Variants in AFF1 observed in about 807,000 individuals in gnomAD.
The protein encoded by AFF1 is AF4/FMR2 family member 1.
A neutral mutation model predicts 121.7 loss-of-function variants in AFF1; 48 were observed. That is an observed-to-expected ratio of 0.39 (90% CI 0.31 to 0.50). The LOEUF is 0.50. Ranked by LOEUF, AFF1 falls within the 20% of genes least tolerant of loss-of-function variation. The pLI, the probability that AFF1 is intolerant of heterozygous loss-of-function variation, is 0.76. For missense variants in AFF1, 1,523 were observed against 1,511.7 expected (o/e 1.01, Z -0.12); for synonymous variants, 613 against 563.0 (o/e 1.09, Z -1.26).
At chr4:87,006,578 TTCTTGAGC>T (rs1726140585) in intron 2 of AFF1, among the ~76,000 whole-genome samples, 1 of 152,226 alleles carries the variant, frequency 6.6e-6, no homozygotes, top group Non-Finnish European at 1.5e-5. Flanking sequence ...GTATGCCCGT[TTCTTGAGC>T]TCAAGCACTG....
chr4:86,996,902 TTTTAA>T (rs1187563113), intron 2 of AFF1, among the ~76,000 whole-genome samples: 4 of 152,182 alleles, frequency 2.6e-5, no homozygotes, highest in East Asian at 1.9e-4. Context: ...AACTGGTGGC[TTTTAA>T]TTTAATTTAA....
At chr4:87,022,994 C>G (rs1041641250) in intron 2 of AFF1, among the ~76,000 whole-genome samples, 5 of 152,034 alleles carry the variant, frequency 3.3e-5, no homozygotes, top group Non-Finnish European at 7.4e-5. Context: ...CATTAGACTC[C>G]TGGACTCAAG....
intron 2 of AFF1, among the ~76,000 whole-genome samples, chr4:87,001,524 T>C (rs1017932428): frequency 6.6e-6 from 1 of 152,136 alleles, no homozygotes; most frequent in Non-Finnish European, 1.5e-5. Context: ...CTCGTGCTTT[T>C]CTTTTTCAAG....
At chr4:87,020,044 A>G (rs1727742951) in intron 2 of AFF1, among the ~76,000 whole-genome samples, 1 of 152,212 alleles carries the variant, frequency 6.6e-6, no homozygotes, top group Admixed American at 6.5e-5. Flanking sequence ...AAAACACAGA[A>G]TTTTTTGAAA....
intron 4 of AFF1, among the ~76,000 whole-genome samples, chr4:87,072,424 C>T (rs1471611100): frequency 2.7e-5 from 4 of 149,128 alleles, no homozygotes; most frequent in Admixed American, 6.8e-5. Context: ...ATTTTTTAAA[C>T]GATTTTCTCC....
At position 87,075,667 on chromosome 4, in the gene AFF1, A is replaced by G. The variant is rs141017224; in HGVS notation, c.1060-8453A>G. On this transcript the variant is annotated intron_variant, in intron 4 of 20. Coordinates refer to ENST00000395146, the MANE Select transcript of AFF1 (RefSeq NM_001166693.3). ...GTCCCCAAACTGCATTTAGGCAACT[A>G]CTCTTATAGGTGAAAACATCTGATT... Among the ~76,000 whole-genome samples the G allele has an allele frequency of 1.2e-3, 184 of 152,212 alleles. 1 individual carries two copies. Among genetic ancestry groups the G allele is most frequent in the African/African-American group, 4.1e-3 (170 of 41,528 alleles).
At chr4:87,128,447 A>G (rs753853119) in intron 16 of AFF1, among the ~76,000 whole-genome samples, 15 of 152,196 alleles carry the variant, frequency 9.9e-5, no homozygotes, top group Admixed American at 2.0e-4. Flanking sequence ...GCTTTTGCTT[A>G]TGTAGTGAGT....
intron 12 of AFF1, among the ~76,000 whole-genome samples, chr4:87,122,437 C>T (rs560709026): frequency 3.9e-4 from 60 of 152,320 alleles, no homozygotes; most frequent in African/African-American, 1.3e-3. Context: ...TGCGCAGAGC[C>T]CTGTCGCAAT....
At chr4:86,936,864 G>A (rs1192896248) in intron 1 of AFF1, among the ~76,000 whole-genome samples, 1 of 152,184 alleles carries the variant, frequency 6.6e-6, no homozygotes, top group Non-Finnish European at 1.5e-5. Flanking sequence ...GATCCAAGGG[G>A]AGATGAGAGA....
At chr4:87,069,558 C>CCTCTCCTCT (rs1282208779) in intron 4 of AFF1, among the ~76,000 whole-genome samples, 32 of 147,660 alleles carry the variant, frequency 2.2e-4, no homozygotes, top group South Asian at 4.4e-4. Flanking sequence ...CTCCCCTTTC[C>CCTCTCCTCT]CTCTCCTCTC....
intron 2 of AFF1, among the ~76,000 whole-genome samples, chr4:86,952,603 T>C (rs1243034471): frequency 6.6e-6 from 1 of 151,956 alleles, no homozygotes; most frequent in African/African-American, 2.4e-5. Flanking sequence ...CTGCATGTTC[T>C]GCACGTGTGT....
At chr4:87,074,428 T>G (rs1009453259) in intron 4 of AFF1, among the ~76,000 whole-genome samples, 10 of 152,244 alleles carry the variant, frequency 6.6e-5, no homozygotes, top group African/African-American at 2.4e-4. Flanking sequence ...TTTAAAGTCT[T>G]AGACCATTGG....
At chr4:87,042,426 G>C (rs1037983615) in intron 2 of AFF1, among the ~76,000 whole-genome samples, 2 of 152,152 alleles carry the variant, frequency 1.3e-5, no homozygotes, top group African/African-American at 4.8e-5. Context: ...CTGCCTCTTC[G>C]GTCTTCCTCT....
intron 8 of AFF1, among the ~76,000 whole-genome samples, chr4:87,099,970 T>C (rs1412619489): frequency 6.6e-6 from 1 of 152,190 alleles, no homozygotes; most frequent in African/African-American, 2.4e-5. Flanking sequence ...CAGATTATGC[T>C]GTAGGCTTTG....
chr4:86,959,047 A>G (rs959234945), intron 2 of AFF1, among the ~76,000 whole-genome samples: 4 of 152,228 alleles, frequency 2.6e-5, no homozygotes, highest in Non-Finnish European at 5.9e-5. Context: ...TCTAGTGAGT[A>G]GAGGCCAGGG....
intron 2 of AFF1, among the ~76,000 whole-genome samples, chr4:87,043,828 T>TC (rs1730397198): frequency 1.5e-5 from 1 of 66,954 alleles, no homozygotes; most frequent in Non-Finnish European, 2.5e-5. Context: ...TTTCTTTCTT[T>TC]TTTTTTTTGA....
chr4:87,131,378 T>C (rs1728810810), intron 17 of AFF1, among the ~76,000 whole-genome samples, 159 bp downstream of exon 17: 1 of 152,262 alleles, frequency 6.6e-6, no homozygotes, highest in Non-Finnish European at 1.5e-5. Flanking sequence ...AGTTGCGTTC[T>C]AGATGAAGTG....
intron 9 of AFF1, 30 bp from the exon 10 acceptor site, chr4:87,105,778 G>A (rs1725852976): frequency 6.2e-7 from 1 of 1,613,746 alleles, no homozygotes; most frequent in Middle Eastern, 1.6e-4. Flanking sequence ...TCTTTTCCTG[G>A]TCTTTCTTCC....
intron 4 of AFF1, among the ~76,000 whole-genome samples, chr4:87,064,312 T>A (rs1047222797): frequency 2.0e-5 from 3 of 152,188 alleles, no homozygotes; most frequent in African/African-American, 7.2e-5. Context: ...GGTTCCTGAA[T>A]CCAATATAGA....
Sources: allele counts gnomAD v4.1 joint callset (sites outside exome capture counted in the v4.1 genomes callset), GRCh38; gene constraint gnomAD v4.1.1; transcripts MANE v1.5; gene names NCBI Gene and HGNC (gene_info 2026-07-23, HGNC 2026-07-21).